The following MDGA2 variants were observed in gnomAD, a reference collection of about 807,000 sequenced individuals.
MDGA2 encodes MAM domain containing glycosylphosphatidylinositol anchor 2.
In MDGA2, 40 loss-of-function variants were observed where a neutral mutation model predicts 117.8. The observed-to-expected ratio is 0.34, with a 90% CI of 0.26 to 0.44. The LOEUF is 0.44. MDGA2 is among the 20% of genes least tolerant of loss of function. The probability of loss-of-function intolerance (pLI) is 1.00; values close to 1 mark genes in which losing one functional copy is unlikely to be tolerated. For synonymous variants in MDGA2, 452 were observed against 439.0 expected, an observed-to-expected ratio of 1.03 and a Z score of -0.37; for missense variants, 1,123 against 1,250.6, an observed-to-expected ratio of 0.90 and a Z score of 1.54.
intron 1 of MDGA2, among the ~76,000 whole-genome samples, chr14:47,514,333 G>A (rs780044655): frequency 1.2e-4 from 18 of 151,952 alleles, no homozygotes; most frequent in Non-Finnish European, 2.5e-4. Flanking sequence ...TTTCATTTGT[G>A]AGCTCCTAGT....
chr14:47,243,778 G>A (rs1887148792), intron 2 of MDGA2, among the ~76,000 whole-genome samples: 1 of 151,806 alleles, frequency 6.6e-6, no homozygotes, highest in Non-Finnish European at 1.5e-5. Context: ...TGAAGTCAGT[G>A]AGACCAAGAA....
At position 47,207,892 on chromosome 14, in the gene MDGA2, A is replaced by G. The variant is rs142015921; in HGVS notation, c.595+10129T>C. Among the ~76,000 whole-genome samples, 1,069 of 152,122 alleles carry G rather than the reference A, an allele frequency of 7.0e-3. 21 individuals are homozygous for G. Among genetic ancestry groups the G allele is most frequent in the African/African-American group, 0.025 (1,028 of 41,538 alleles). ...TAGGCTGCTTTTCAGATACTTCAGT[A>G]TTTCATGGATCAATCACACCAGTAT... On this transcript the variant is annotated intron_variant, in intron 3 of 16. Transcript: ENST00000399232.
At chr14:47,118,927 G>A (rs1253781931) in intron 5 of MDGA2, among the ~76,000 whole-genome samples, 1 of 151,986 alleles carries the variant, frequency 6.6e-6, no homozygotes, top group Non-Finnish European at 1.5e-5. Flanking sequence ...TCATAGAAAT[G>A]AGGTCTCACT....
intron 1 of MDGA2, among the ~76,000 whole-genome samples, chr14:47,566,835 G>A (rs1220539444): frequency 1.3e-5 from 2 of 151,696 alleles, no homozygotes; most frequent in African/African-American, 2.4e-5. Context: ...CTTGGAGTAT[G>A]CTAGTCTTCC....
intron 1 of MDGA2, among the ~76,000 whole-genome samples, chr14:47,622,815 G>A (rs141639476): frequency 1.3e-5 from 2 of 152,316 alleles, no homozygotes; most frequent in East Asian, 1.9e-4. Flanking sequence ...TCATGGGGAA[G>A]TAGATAGGTG....
chr14:47,465,262 A>G (rs571759718), intron 1 of MDGA2, among the ~76,000 whole-genome samples: 1 of 152,310 alleles, frequency 6.6e-6, no homozygotes, highest in African/African-American at 2.4e-5. Flanking sequence ...CATCCTAGAG[A>G]TAGAAACAGG....
Position 47,340,140 on chromosome 14 carries a change from GAC to G in MDGA2, c.281-38592_281-38591del, listed in dbSNP as rs1482569857. Among the ~76,000 whole-genome samples the G allele has an allele frequency of 3.3e-5, 5 of 152,182 alleles. No homozygotes were observed. The East Asian group carries it at 9.7e-4, about 30-fold the overall frequency. On this transcript the variant is annotated intron_variant, in intron 1 of 16. Coordinates refer to ENST00000399232, the MANE Select transcript of MDGA2 (RefSeq NM_001113498.3). The stretch of plus-strand genomic sequence containing the variant: ...TGGCTACTCGGAGAGGCCTTCCAGA[GAC>G]AATCTTGATAGTCATAATTTAGGGG...
chr14:47,674,328 G>A (rs1242855020), intron 1 of MDGA2, among the ~76,000 whole-genome samples, 189 bp downstream of exon 1: 1 of 152,222 alleles, frequency 6.6e-6, no homozygotes, highest in African/African-American at 2.4e-5. Context: ...CCCAGGCGCC[G>A]GGGAAGCGGC....
At chr14:47,480,344 C>T (rs909652461) in intron 1 of MDGA2, among the ~76,000 whole-genome samples, 3 of 151,836 alleles carry the variant, frequency 2.0e-5, no homozygotes, top group African/African-American at 7.2e-5. Context: ...TTTAATATGC[C>T]AAGGAAATTG....
intron 3 of MDGA2, among the ~76,000 whole-genome samples, chr14:47,162,269 G>C (rs1168116797): frequency 6.6e-6 from 1 of 151,672 alleles, no homozygotes; most frequent in Non-Finnish European, 1.5e-5. Context: ...ACCCATTTGA[G>C]GTCACTATTT....
chr14:47,355,887 G>A (rs1890983225), intron 1 of MDGA2, among the ~76,000 whole-genome samples: 1 of 152,134 alleles, frequency 6.6e-6, no homozygotes, highest in South Asian at 2.1e-4. Flanking sequence ...GTTTCTGAAT[G>A]GGAATGCACA....
intron 8 of MDGA2, among the ~76,000 whole-genome samples, chr14:47,028,150 G>A (rs1423128722): frequency 1.3e-5 from 2 of 151,990 alleles, no homozygotes; most frequent in African/African-American, 2.4e-5. Flanking sequence ...AGCTCTCTTC[G>A]AAGTCATTAT....
intron 1 of MDGA2, among the ~76,000 whole-genome samples, chr14:47,382,678 G>A (rs1049817759): frequency 6.6e-6 from 1 of 152,168 alleles, no homozygotes; most frequent in African/African-American, 2.4e-5. Flanking sequence ...CAGTTAGAAT[G>A]GCAGTCATTA....
chr14:47,465,025 T>C (rs996013307), intron 1 of MDGA2, among the ~76,000 whole-genome samples: 5 of 151,994 alleles, frequency 3.3e-5, no homozygotes, highest in East Asian at 1.9e-4. Context: ...TGGAACAGAA[T>C]AGAGAGCCCA....
intron 3 of MDGA2, among the ~76,000 whole-genome samples, chr14:47,207,348 T>G (rs981666613): frequency 6.6e-6 from 1 of 151,888 alleles, no homozygotes; most frequent in Non-Finnish European, 1.5e-5. Context: ...ATAGAAAGAA[T>G]GTAAATTTTT....
At chr14:46,844,977 G>C (rs575460158) in intron 16 of MDGA2, among the ~76,000 whole-genome samples, 1 of 152,144 alleles carries the variant, frequency 6.6e-6, no homozygotes, top group Non-Finnish European at 1.5e-5. Context: ...CGCCTCCCGC[G>C]TTCACGCCAA....
chr14:47,282,184 T>C (rs1242937295), intron 2 of MDGA2, among the ~76,000 whole-genome samples: 1 of 152,222 alleles, frequency 6.6e-6, no homozygotes, highest in African/African-American at 2.4e-5. Flanking sequence ...GCATAAGCAT[T>C]CTAAATGTGG....
chr14:47,389,788 T>A (rs1891852290), intron 1 of MDGA2, among the ~76,000 whole-genome samples: 1 of 152,054 alleles, frequency 6.6e-6, no homozygotes, highest in African/African-American at 2.4e-5. Flanking sequence ...GTTGCCAGAG[T>A]CAAGTACTTT....
intron 9 of MDGA2, among the ~76,000 whole-genome samples, chr14:46,942,587 C>T (rs772441073): frequency 1.6e-4 from 24 of 152,058 alleles, no homozygotes; most frequent in Non-Finnish European, 2.2e-4. Flanking sequence ...CCCAGGCAAA[C>T]AAAAATCCAC....
Sources: allele counts gnomAD v4.1 joint callset (sites outside exome capture counted in the v4.1 genomes callset), GRCh38; gene constraint gnomAD v4.1.1; transcripts MANE v1.5; gene names NCBI Gene and HGNC (gene_info 2026-07-23, HGNC 2026-07-21).